The following MACROD2 variants were observed in gnomAD, a reference collection of about 807,000 sequenced individuals.
MACROD2 encodes mono-ADP ribosylhydrolase 2.
In MACROD2, 36 loss-of-function variants were observed where a neutral mutation model predicts 70.4. The observed-to-expected ratio is 0.51, with a 90% CI of 0.39 to 0.68. The LOEUF is 0.68. MACROD2 is among the 30% of genes least tolerant of loss of function. The pLI, the probability that MACROD2 is intolerant of heterozygous loss-of-function variation, is 0.00. For synonymous variants in MACROD2, 172 were observed against 178.8 expected (o/e 0.96, Z 0.30); for missense variants, 496 against 538.4 (o/e 0.92, Z 0.78).
chr20:14,469,892 G>A (rs569633673), intron 3 of MACROD2, among the ~76,000 whole-genome samples: 1 of 151,968 alleles, frequency 6.6e-6, no homozygotes, highest in African/African-American at 2.4e-5. Flanking sequence ...TAGCTCGGAG[G>A]AGTTTGTTAT....
intron 8 of MACROD2, among the ~76,000 whole-genome samples, chr20:15,525,116 G>T (rs368508624): frequency 3.5e-4 from 54 of 152,338 alleles, no homozygotes; most frequent in African/African-American, 1.3e-3. Context: ...GCCATTTCCA[G>T]GTGCCTTACT....
chr20:15,428,869 C>T (rs2046331860), intron 6 of MACROD2, among the ~76,000 whole-genome samples: 1 of 152,092 alleles, frequency 6.6e-6, no homozygotes. Context: ...CTTCCCTACA[C>T]CTTGAGGGCT....
At chr20:15,253,535 T>G (rs777911672) in intron 6 of MACROD2, among the ~76,000 whole-genome samples, 1 of 152,208 alleles carries the variant, frequency 6.6e-6, no homozygotes, top group Non-Finnish European at 1.5e-5. Context: ...AAGGAATCAT[T>G]TCATACTATT....
chr20:14,327,674 T>G (rs2082760041), intron 3 of MACROD2: 1 of 794,196 alleles, frequency 1.3e-6, no homozygotes, highest in African/African-American at 1.7e-5. Context: ...TATTTTCATT[T>G]GTTTTGGGAG....
intron 2 of MACROD2, among the ~76,000 whole-genome samples, chr20:14,056,920 TG>T (rs2053636813): frequency 6.6e-6 from 1 of 152,088 alleles, no homozygotes; most frequent in Non-Finnish European, 1.5e-5. Flanking sequence ...TTTTTCTCAT[TG>T]TTTTTTAACG....
At chr20:14,342,737 AC>A (rs773269431) in intron 3 of MACROD2, among the ~76,000 whole-genome samples, 29 of 152,320 alleles carry the variant, frequency 1.9e-4, no homozygotes, top group Admixed American at 3.9e-4. Context: ...TTATTAGTCA[AC>A]ACTTAAAATG....
At chr20:15,929,957 C>CT (rs1401846875) in intron 10 of MACROD2, among the ~76,000 whole-genome samples, 2 of 152,164 alleles carry the variant, frequency 1.3e-5, no homozygotes, top group Admixed American at 6.5e-5. Context: ...GGTTTCTGTG[C>CT]TTTTTCAGCA....
At chr20:14,554,409 G>C (rs1978883229) in intron 4 of MACROD2, 1 of 152,094 alleles carries the variant, frequency 6.6e-6, no homozygotes, top group Admixed American at 6.6e-5. Context: ...GATTTGCCAG[G>C]GCTGTGCAAC....
intron 6 of MACROD2, among the ~76,000 whole-genome samples, chr20:15,300,176 T>C (rs890208015): frequency 2.0e-5 from 3 of 152,290 alleles, no homozygotes; most frequent in Non-Finnish European, 4.4e-5. Flanking sequence ...TAATGTAGCT[T>C]AAGACCTTGG....
At chr20:15,786,270 G>A (rs1204663569) in intron 8 of MACROD2, among the ~76,000 whole-genome samples, 1 of 151,514 alleles carries the variant, frequency 6.6e-6, no homozygotes, top group African/African-American at 2.4e-5. Flanking sequence ...CAGAACAAGT[G>A]GAAGAGAAAA....
chr20:15,735,988 G>A (rs1222384629), intron 8 of MACROD2, among the ~76,000 whole-genome samples: 1 of 152,092 alleles, frequency 6.6e-6, no homozygotes, highest in Non-Finnish European at 1.5e-5. Flanking sequence ...ACATATATCT[G>A]AGATACGGCA....
At position 15,967,436 on chromosome 20, in the gene MACROD2, T is replaced by G; in HGVS notation, c.908-117T>G. 3.5e-6 allele frequency: 3 copies of G among 861,140 alleles called. No individual in the cohort carries two copies. The South Asian group carries it at 5.9e-5, about 17-fold the overall frequency. 53.3% of individuals were successfully genotyped at this position (861,140 alleles called of 1,614,324 possible). Reference sequence around the variant, plus strand: ...CAAACATATGTATTTGAGTGGTTATTTTTAAAACGAATAAATTCTATTTTT... The same window carrying G: ...CAAACATATGTATTTGAGTGGTTATGTTTAAAACGAATAAATTCTATTTTT... On this transcript the variant is annotated intron_variant, in intron 12 of 17. Coordinates refer to ENST00000684519, the MANE Select transcript of MACROD2 (RefSeq NM_001351661.2).
intron 9 of MACROD2, among the ~76,000 whole-genome samples, chr20:15,869,238 T>TATATATATATATATATATATAGAGAG: frequency 1.1e-4 from 3 of 28,294 alleles, no homozygotes; most frequent in Non-Finnish European, 2.3e-4. Flanking sequence ...TATATATATA[T>TATATATATATATATATATATAGAGAG]AGAGAGAGAG....
At chr20:15,618,307 C>T (rs1374890433) in intron 8 of MACROD2, among the ~76,000 whole-genome samples, 1 of 152,068 alleles carries the variant, frequency 6.6e-6, no homozygotes, top group Non-Finnish European at 1.5e-5. Context: ...CTGTTTGCAT[C>T]TGTCTATGCA....
chr20:14,019,640 G>A (rs1335819928), intron 2 of MACROD2, among the ~76,000 whole-genome samples: 1 of 151,968 alleles, frequency 6.6e-6, no homozygotes, highest in Non-Finnish European at 1.5e-5. Context: ...TGATTGGTTC[G>A]GGATGAAATA....
intron 2 of MACROD2, among the ~76,000 whole-genome samples, chr20:14,075,055 T>G (rs903723524): frequency 6.6e-6 from 1 of 152,134 alleles, no homozygotes; most frequent in Non-Finnish European, 1.5e-5. Context: ...GTCACCTTTA[T>G]TTTACAAAAT....
chr20:14,181,993 G>T (rs7264340), intron 3 of MACROD2, among the ~76,000 whole-genome samples: 4,067 of 152,190 alleles, frequency 0.027, 53 homozygotes, highest in Non-Finnish European at 0.032. Flanking sequence ...CAGTTCTCTT[G>T]GTTAGATACC....
chr20:14,625,981 C>T (rs1984127272), intron 4 of MACROD2, among the ~76,000 whole-genome samples: 1 of 152,094 alleles, frequency 6.6e-6, no homozygotes, highest in South Asian at 2.1e-4. Flanking sequence ...CACCATGATG[C>T]CCGGCTAATT....
At chr20:15,175,094 A>G (rs1601177584) in intron 5 of MACROD2, among the ~76,000 whole-genome samples, 1 of 152,142 alleles carries the variant, frequency 6.6e-6, no homozygotes, top group African/African-American at 2.4e-5. Flanking sequence ...AATACTATGC[A>G]GCCATAAAAA....
Sources: gnomAD v4.1 joint callset for allele counts (sites outside exome capture counted in the v4.1 genomes callset) on GRCh38, gnomAD v4.1.1 for gene constraint, MANE v1.5 for transcripts, NCBI Gene and HGNC (gene_info 2026-07-23, HGNC 2026-07-21) for gene names.